Variants in SERPINE3 observed in about 807,000 individuals in gnomAD.
SERPINE3 encodes the protein serpin E3.
Under a neutral mutation model 41.7 loss-of-function variants are expected in SERPINE3, and 43 were observed. The ratio of observed to expected loss-of-function variants is 1.03; its 90% CI spans 0.81 to 1.33. The LOEUF is 1.33. SERPINE3 is among the 40% of genes most tolerant of loss of function. The pLI, the probability that SERPINE3 is intolerant of heterozygous loss-of-function variation, is 0.00. For missense variants in SERPINE3, 440 were observed against 491.7 expected (o/e 0.89, Z 0.99); for synonymous variants, 200 against 192.2 (o/e 1.04, Z -0.34).
intron 5 of SERPINE3, 56 bp from the exon 6 acceptor site, chr13:51,348,157 G>C: frequency 7.3e-7 from 1 of 1,371,828 alleles, no homozygotes; most frequent in Non-Finnish European, 1.0e-6. Flanking sequence ...GTCCGACACT[G>C]GTTCATTCTC....
At chr13:51,343,417 G>A (rs971637666) in intron 3 of SERPINE3, among the ~76,000 whole-genome samples, 1 of 152,150 alleles carries the variant, frequency 6.6e-6, no homozygotes, top group Non-Finnish European at 1.5e-5. Flanking sequence ...GGGATGCCTG[G>A]GGGAGGACAG....
In SERPINE3 at chr13:51,348,316, C is replaced by G. The variant is rs1445389633; in HGVS notation, c.804C>G (p.Thr268=). ...LFLVLPRDKD[T]PLSHIEPHLT... is the part of the protein sequence containing the mutation. The stretch of plus-strand genomic sequence containing the variant: ...TGGTGCTGCCCCGTGACAAAGACAC[C>G]CCCCTGAGCCACATCGAGCCACACC... Residue 268 remains threonine (T), a synonymous_variant, in exon 6 of 10, where the codon ACC becomes ACG. Transcript: ENST00000681248. The G allele has an allele frequency of 3.1e-6, 5 of 1,613,750 alleles. No homozygotes were observed. The highest frequency in any genetic ancestry group is 4.2e-6 in the Non-Finnish European group (5 of 1,179,810).
At chr13:51,362,124 ATAGT>A in intron 9 of SERPINE3, 1 of 1,378,436 alleles carries the variant, frequency 7.3e-7, no homozygotes. Flanking sequence ...CAGCTCATAT[ATAGT>A]TAATGTAGAT....
At chr13:51,340,265 G>A (rs1480042617) in intron 1 of SERPINE3, among the ~76,000 whole-genome samples, 3 of 152,142 alleles carry the variant, frequency 2.0e-5, no homozygotes, top group African/African-American at 7.2e-5. Flanking sequence ...CATGGTCGTT[G>A]AAAACATTTT....
At chr13:51,360,399 A>G (rs146951168) in intron 7 of SERPINE3, among the ~76,000 whole-genome samples, 9 of 152,120 alleles carry the variant, frequency 5.9e-5, no homozygotes, top group Non-Finnish European at 1.3e-4. Context: ...ATCTCAGGTG[A>G]GTTCACAGCT....
intron 7 of SERPINE3, 48 bp from the exon 8 acceptor site, chr13:51,361,230 G>C: frequency 8.1e-7 from 1 of 1,241,300 alleles, no homozygotes; most frequent in Non-Finnish European, 1.2e-6. Context: ...AAATGTGTTA[G>C]AAAAATGTTA....
intron 4 of SERPINE3, among the ~76,000 whole-genome samples, chr13:51,346,237 A>G (rs1340599964): frequency 6.6e-6 from 1 of 152,184 alleles, no homozygotes; most frequent in Non-Finnish European, 1.5e-5. Context: ...TGAAATTTTA[A>G]CTGCAGCCCT....
chr13:51,348,369 C>T lies in SERPINE3; in HGVS notation c.857C>T (p.Thr286Ile). The T allele has an allele frequency of 6.2e-7, 1 of 1,613,918 alleles. No homozygotes were observed. Among genetic ancestry groups the T allele is most frequent in the African/African-American group, 1.3e-5 (1 of 75,052 alleles). The part of the protein sequence containing the change: ...HLTASTIHLW[T>I]TSLRRARMDV... ...ACAGCCAGCACCATCCACCTCTGGA[C>T]CACCAGCCTGAGGAGAGCCAGGATG... The change falls in exon 6 of 10, where the codon ACC (threonine) becomes ATC (isoleucine). Residue 286 changes from threonine (T) to isoleucine (I), a missense_variant. By Grantham distance (89) the Thr-to-Ile change is moderately conservative. Transcript: ENST00000681248.
intron 3 of SERPINE3, among the ~76,000 whole-genome samples, chr13:51,342,017 G>A (rs1320378646): frequency 6.6e-6 from 1 of 152,146 alleles, no homozygotes; most frequent in East Asian, 1.9e-4. Flanking sequence ...AGCAGCATGA[G>A]TCTTTCGAAT....
rs774327752 is a variant in SERPINE3, at chr13:51,361,870, A to G, written c.1148A>G (p.Tyr383Cys). ...PIFKADRPFI[Y>C]FLREPNTGFV... ...TTTAAAGCAGATCGGCCATTCATCTATTTCCTGAGAGAACCTAACACAGGT... is the reference window on the plus strand; with the variant it reads ...TTTAAAGCAGATCGGCCATTCATCTGTTTCCTGAGAGAACCTAACACAGGT... The change falls in exon 9 of 10, where the codon TAT (tyrosine) becomes TGT (cysteine). Residue 383 changes from tyrosine (Y) to cysteine (C), a missense_variant. Coordinates refer to ENST00000681248, the MANE Select transcript of SERPINE3 (RefSeq NM_001386375.1). The G allele has an allele frequency of 4.3e-6, 7 of 1,611,854 alleles. No individual in the cohort carries two copies. Among genetic ancestry groups the G allele is most frequent in the Non-Finnish European group, 5.9e-6 (7 of 1,178,694 alleles).
intron 3 of SERPINE3, among the ~76,000 whole-genome samples, chr13:51,342,583 G>A (rs1955304933): frequency 6.6e-6 from 1 of 152,150 alleles, no homozygotes; most frequent in African/African-American, 2.4e-5. Flanking sequence ...CTAGGGCAGA[G>A]AAAAGATTTC....
Position 51,358,074 on chromosome 13 carries a change from A to G in SERPINE3, c.1000+2931A>G, listed in dbSNP as rs940655762. Among the ~76,000 whole-genome samples, 3 of 151,950 alleles carry G rather than the reference A, an allele frequency of 2.0e-5. No individual in the cohort carries two copies. The East Asian group carries it at 5.8e-4, about 29-fold the overall frequency. On this transcript the variant is annotated intron_variant, in intron 7 of 9. Transcript: ENST00000681248. ...TGGGCTAGAGGAGACAAATGGAGAAAGCAACTAACCATAGCCTAATTTCAA... is the reference window on the plus strand; with the variant it reads ...TGGGCTAGAGGAGACAAATGGAGAAGGCAACTAACCATAGCCTAATTTCAA...
intron 6 of SERPINE3, among the ~76,000 whole-genome samples, chr13:51,350,387 C>T (rs1172090329): frequency 6.6e-6 from 1 of 151,986 alleles, no homozygotes; most frequent in East Asian, 1.9e-4. Context: ...TGTTTATAAC[C>T]ACAATCATAT....
chr13:51,342,270 G>A (rs1053663771), intron 3 of SERPINE3, among the ~76,000 whole-genome samples: 10 of 151,334 alleles, frequency 6.6e-5, no homozygotes, highest in African/African-American at 2.4e-4. Context: ...GGGTCATCCC[G>A]GCCTACCCAT....
intron 6 of SERPINE3, among the ~76,000 whole-genome samples, chr13:51,353,923 C>G (rs529989349): frequency 6.6e-6 from 1 of 152,016 alleles, no homozygotes; most frequent in African/African-American, 2.4e-5. Context: ...TTTAAAGTAT[C>G]CTTCAACAGT....
At position 51,341,309 on chromosome 13, in the gene SERPINE3, G is replaced by A. The variant is rs768921818; in HGVS notation, c.218G>A (p.Gly73Asp). 3 of 1,611,558 alleles carry A rather than the reference G, an allele frequency of 1.9e-6. No homozygotes were observed. Residue 73 changes from glycine (G) to aspartate (D), a missense_variant, in exon 3 of 10, where the codon GGT (glycine) becomes GAT (aspartate). Physicochemically the swap from Gly to Asp is moderately conservative, Grantham distance 94. Coordinates refer to ENST00000681248, the MANE Select transcript of SERPINE3 (RefSeq NM_001386375.1). ...CAGTTTGGAGCAGAAGGGAGCACTG[G>A]TCAGCAGCTGGCAGATGCCCTGGGG... ...ILQFGAEGST[G>D]QQLADALGYT... is the part of the protein sequence containing the mutation.
intron 9 of SERPINE3, 40 bp from the exon 10 acceptor site, chr13:51,364,199 A>G (rs1315546112): frequency 9.5e-7 from 1 of 1,053,234 alleles, no homozygotes; most frequent in South Asian, 1.6e-5. Context: ...ACTGCATATG[A>G]AAATACTATA....
chr13:51,348,670 A>G, intron 6 of SERPINE3: 1 of 256,662 alleles, frequency 3.9e-6, no homozygotes. Context: ...TTCTGCCTTC[A>G]CTGGGCTGGA....
chr13:51,360,305 C>T (rs1402932978), intron 7 of SERPINE3, among the ~76,000 whole-genome samples: 4 of 151,742 alleles, frequency 2.6e-5, no homozygotes, highest in Non-Finnish European at 4.4e-5. Context: ...TTCTGAAAGG[C>T]GGCAGTGTTT....
Sources: gnomAD v4.1 joint callset for allele counts (sites outside exome capture counted in the v4.1 genomes callset) on GRCh38, gnomAD v4.1.1 for gene constraint, MANE v1.5 for transcripts, NCBI Gene and HGNC (gene_info 2026-07-23, HGNC 2026-07-21) for gene names.